RASGEF1A: variants seen among roughly 807,000 people sequenced by gnomAD.
The protein encoded by RASGEF1A is ras-GEF domain-containing family member 1A.
Under a neutral mutation model 56.4 loss-of-function variants are expected in RASGEF1A, and 18 were observed. The observed-to-expected ratio is 0.32, with a 90% CI of 0.22 to 0.47. The LOEUF is 0.47. RASGEF1A is among the 20% of genes least tolerant of loss of function. The probability of loss-of-function intolerance (pLI) is 1.00; values close to 1 mark genes in which losing one functional copy is unlikely to be tolerated. For missense variants in RASGEF1A, 422 were observed against 627.1 expected, an observed-to-expected ratio of 0.67 and a Z score of 3.49; for synonymous variants, 245 against 242.6, an observed-to-expected ratio of 1.01 and a Z score of -0.09.
At chr10:43,230,332 G>A (rs893063263) in intron 1 of RASGEF1A, among the ~76,000 whole-genome samples, 1 of 152,166 alleles carries the variant, frequency 6.6e-6, no homozygotes, top group African/African-American at 2.4e-5. Flanking sequence ...GGGCTGATCC[G>A]AGCCGCAGCG....
chr10:43,265,367 C>T (rs1392638504), intron 1 of RASGEF1A, among the ~76,000 whole-genome samples: 1 of 152,212 alleles, frequency 6.6e-6, no homozygotes, highest in African/African-American at 2.4e-5. Context: ...GAGGACACAG[C>T]TTCTCTACTT....
At position 43,266,914 on chromosome 10, in the gene RASGEF1A, G is replaced by A. The variant is rs1836635722; in HGVS notation, c.-76C>T. 1 of 145,726 alleles carries A rather than the reference G, an allele frequency of 6.9e-6. No homozygotes were observed. Among genetic ancestry groups the A allele is most frequent in the South Asian group, 2.1e-4 (1 of 4,794 alleles). 9.0% of individuals were successfully genotyped at this position (145,726 alleles called of 1,614,324 possible). A position where few individuals can be genotyped will look rare whatever the true frequency, so the allele number is the denominator to read the frequency against. ...GTCGGGCCCCGAGCAGCGCGCGGCC[G>A]GCGCCGGCGGCGGCTCATGCTCGGC... On this transcript the variant is annotated 5_prime_UTR_variant, in exon 1 of 13. Coordinates refer to ENST00000395810, the MANE Select transcript of RASGEF1A (RefSeq NM_145313.4).
rs142010173 is a variant in RASGEF1A, at chr10:43,209,039, C to T, written c.-6-2917G>A. 2.0e-4 allele frequency: 201 copies of T among 985,516 alleles called. 1 individual carries two copies. In the East Asian group the frequency reaches 0.019, roughly 93 times the overall value. The allele number at this position is 985,516 out of a possible 1,614,324, so 61.0% of individuals were successfully genotyped here. On this transcript the variant is annotated intron_variant, in intron 1 of 12. Coordinates refer to ENST00000395810, the MANE Select transcript of RASGEF1A (RefSeq NM_145313.4). ...CGCTTGTTCTTGCACCTGCTTCCTC[C>T]TTGCCCCAACAGCAGGGGCAGGCAC...
chr10:43,201,710 G>A, intron 4 of RASGEF1A, 98 bp downstream of exon 4: 1 of 1,267,008 alleles, frequency 7.9e-7, no homozygotes, highest in Non-Finnish European at 1.0e-6. Flanking sequence ...AACATGGAAG[G>A]GGACCACATA....
intron 1 of RASGEF1A, among the ~76,000 whole-genome samples, chr10:43,246,920 G>A (rs2133222043): frequency 6.6e-6 from 1 of 152,258 alleles, no homozygotes; most frequent in South Asian, 2.1e-4. Context: ...GAGATAAATT[G>A]GACTTGATCC....
At chr10:43,203,691 C>G (rs957546621) in intron 2 of RASGEF1A, 6 of 1,188,658 alleles carry the variant, frequency 5.0e-6, no homozygotes, top group Non-Finnish European at 6.3e-6. Context: ...GGATTCTCCC[C>G]CTCTCTGCCC....
chr10:43,229,554 AG>A, intron 1 of RASGEF1A: 1 of 1,219,226 alleles, frequency 8.2e-7, no homozygotes, highest in South Asian at 1.4e-5. Flanking sequence ...GTCGGGATGC[AG>A]GGGACCGTCG....
intron 1 of RASGEF1A, among the ~76,000 whole-genome samples, chr10:43,233,315 C>CGTGT (rs376496591): frequency 4.6e-5 from 7 of 150,752 alleles, no homozygotes; most frequent in Admixed American, 1.3e-4. Flanking sequence ...TGTGTGTGTG[C>CGTGT]GTGTGTGTGT....
Position 43,229,951 on chromosome 10 carries a change from A to T in RASGEF1A, c.-6-23829T>A, listed in dbSNP as rs1473336826. Among the ~76,000 whole-genome samples, 4 of 151,556 alleles carry T rather than the reference A, an allele frequency of 2.6e-5. No homozygotes were observed. The East Asian group carries it at 5.9e-4, about 22-fold the overall frequency. Reference sequence around the variant, plus strand: ...GGCGGCCTGGAGCGCTGTCAGGAGGAGCTGCCTGGGCCGGGCGCGCGCCTG... The same window carrying T: ...GGCGGCCTGGAGCGCTGTCAGGAGGTGCTGCCTGGGCCGGGCGCGCGCCTG... On this transcript the variant is annotated intron_variant, in intron 1 of 12. Coordinates refer to ENST00000395810, the MANE Select transcript of RASGEF1A (RefSeq NM_145313.4).
chr10:43,199,537 C>T (rs1162735257), intron 7 of RASGEF1A, 139 bp downstream of exon 7: 1 of 704,546 alleles, frequency 1.4e-6, no homozygotes, highest in Non-Finnish European at 2.5e-6. Context: ...GGTTGGGGGA[C>T]CACCAAGGCC....
intron 9 of RASGEF1A, 93 bp downstream of exon 9, chr10:43,198,840 G>T: frequency 8.5e-7 from 1 of 1,180,766 alleles, no homozygotes; most frequent in Non-Finnish European, 1.3e-6. Context: ...GGAGAGGAGG[G>T]CAGCCCCCCA....
Position 43,199,197 on chromosome 10 carries a change from G to A in RASGEF1A, c.850-3C>T. On this transcript the variant is annotated splice_region_variant and splice_polypyrimidine_tract_variant and intron_variant, in intron 7 of 12. Coordinates refer to ENST00000395810, the MANE Select transcript of RASGEF1A (RefSeq NM_145313.4). ...GTCCGGTGTTTCTTCTTCACCACCT[G>A]GAAGGTGGCAGGTGACCTCAGCATG... 1 of 1,600,014 alleles carries A rather than the reference G, an allele frequency of 6.2e-7. No homozygotes were observed.
intron 1 of RASGEF1A, chr10:43,207,072 G>C: frequency 2.0e-6 from 2 of 985,592 alleles, no homozygotes; most frequent in Non-Finnish European, 2.4e-6. Flanking sequence ...CAGACAGCCA[G>C]CCATGCCTGG....
intron 1 of RASGEF1A, among the ~76,000 whole-genome samples, chr10:43,242,567 C>CT (rs1840514617): frequency 6.6e-6 from 1 of 152,130 alleles, no homozygotes; most frequent in South Asian, 2.1e-4. Context: ...CCGTCTCCCT[C>CT]TCTTGCAGAG....
At chr10:43,226,515 C>T (rs1840281935) in intron 1 of RASGEF1A, among the ~76,000 whole-genome samples, 1 of 152,180 alleles carries the variant, frequency 6.6e-6, no homozygotes, top group Admixed American at 6.5e-5. Context: ...AGATCCACGC[C>T]ATCCATGGGC....
chr10:43,248,852 C>T (rs1192371858), intron 1 of RASGEF1A, among the ~76,000 whole-genome samples: 1 of 152,064 alleles, frequency 6.6e-6, no homozygotes, highest in African/African-American at 2.4e-5. Flanking sequence ...CCCACAGAGT[C>T]CTGGGCCTCA....
At position 43,196,582 on chromosome 10, in the gene RASGEF1A, C is replaced by T. The variant is rs751722769; in HGVS notation, c.1349-34G>A. On this transcript the variant is annotated intron_variant, in intron 11 of 12. Coordinates refer to ENST00000395810, the MANE Select transcript of RASGEF1A (RefSeq NM_145313.4). The surrounding 1 kb of genome is among the most constrained non-coding windows in gnomAD (Gnocchi z 4.6). ...TGGGAAAGTCCCTCAGAGCCTGTGT[C>T]CCCATGCAGTGTCTGCCTGAACCCA... 1.3e-6 allele frequency: 2 copies of T among 1,592,984 alleles called. No individual in the cohort carries two copies. Among genetic ancestry groups the T allele is most frequent in the East Asian group, 4.5e-5 (2 of 44,828 alleles).
intron 1 of RASGEF1A, among the ~76,000 whole-genome samples, chr10:43,232,470 T>C (rs1465466704): frequency 6.7e-6 from 1 of 149,564 alleles, no homozygotes; most frequent in African/African-American, 2.5e-5. Flanking sequence ...TCTTTATAAA[T>C]TACCCAGTCT....
intron 1 of RASGEF1A, among the ~76,000 whole-genome samples, chr10:43,210,693 T>C (rs1183498973): frequency 6.6e-6 from 1 of 152,228 alleles, no homozygotes; most frequent in Non-Finnish European, 1.5e-5. Context: ...CAGACCCATC[T>C]CGAGGCAGCA....
Sources: allele counts gnomAD v4.1 joint callset (sites outside exome capture counted in the v4.1 genomes callset), GRCh38; gene constraint gnomAD v4.1.1; non-coding constraint Gnocchi (gnomAD v3.1); transcripts MANE v1.5; gene names NCBI Gene and HGNC (gene_info 2026-07-23, HGNC 2026-07-21).